Variants in TRPM3 observed in about 807,000 individuals in gnomAD.
TRPM3 encodes the protein transient receptor potential cation channel subfamily M member 3, also known as long transient receptor potential channel 3.
TRPM3 carries 77 observed loss-of-function variants against 181.2 expected under a neutral mutation model. The ratio of observed to expected loss-of-function variants is 0.42; its 90% CI spans 0.35 to 0.51. TRPM3 has a LOEUF of 0.51. Among genes scored for constraint, TRPM3 ranks in the 20% least tolerant of loss-of-function variants. TRPM3 has a pLI of 0.01. For missense variants in TRPM3, 1,759 were observed against 2,196.7 expected (o/e 0.80, Z 3.98); for synonymous variants, 745 against 796.4 (o/e 0.94, Z 1.09).
At chr9:70,832,631 G>T (rs2094015848) in intron 5 of TRPM3, among the ~76,000 whole-genome samples, 1 of 152,178 alleles carries the variant, frequency 6.6e-6, no homozygotes, top group African/African-American at 2.4e-5. Flanking sequence ...CCCAGGAAGG[G>T]ACTGATTCAG....
At chr9:70,754,818 C>G (rs1193150777) in intron 8 of TRPM3, among the ~76,000 whole-genome samples, 1 of 152,148 alleles carries the variant, frequency 6.6e-6, no homozygotes, top group Non-Finnish European at 1.5e-5. Context: ...TGCAATGCCT[C>G]CTTGTTTTGT....
intron 1 of TRPM3, among the ~76,000 whole-genome samples, chr9:70,883,105 T>C (rs1038163322): frequency 9.2e-5 from 14 of 152,260 alleles, no homozygotes; most frequent in Admixed American, 6.5e-4. Flanking sequence ...CTCAAACCAA[T>C]GTACTTCCTA....
At chr9:71,262,133 C>A (rs932836829) in intron 1 of TRPM3, among the ~76,000 whole-genome samples, 1 of 152,166 alleles carries the variant, frequency 6.6e-6, no homozygotes, top group Admixed American at 6.6e-5. Flanking sequence ...TGCTCTGTCC[C>A]AGGGAGATGA....
chr9:70,773,481 G>A (rs995595561), intron 7 of TRPM3, among the ~76,000 whole-genome samples: 13 of 152,174 alleles, frequency 8.5e-5, no homozygotes, highest in African/African-American at 2.7e-4. Flanking sequence ...AGGGTCAGAG[G>A]TGTGGGAAAA....
At chr9:71,178,839 C>G (rs2077245294) in intron 1 of TRPM3, among the ~76,000 whole-genome samples, 2 of 152,092 alleles carry the variant, frequency 1.3e-5, no homozygotes, top group Non-Finnish European at 2.9e-5. Flanking sequence ...ATGCCTGCCT[C>G]CACTCAGACA....
At chr9:71,320,416 C>A (rs573873571) in intron 1 of TRPM3, among the ~76,000 whole-genome samples, 1 of 151,844 alleles carries the variant, frequency 6.6e-6, no homozygotes, top group South Asian at 2.1e-4. Flanking sequence ...AGGACTAGAC[C>A]AACATAGGTT....
intron 1 of TRPM3, among the ~76,000 whole-genome samples, chr9:71,045,655 G>A (rs1379042134): frequency 6.6e-6 from 1 of 152,114 alleles, no homozygotes; most frequent in African/African-American, 2.4e-5. Flanking sequence ...TTTTTGACTG[G>A]GAGAAAGAAA....
intron 1 of TRPM3, among the ~76,000 whole-genome samples, chr9:71,144,441 T>G (rs528063934): frequency 6.6e-6 from 1 of 152,328 alleles, no homozygotes; most frequent in South Asian, 2.1e-4. Context: ...AGTCAAGTCT[T>G]TCTTTGCTTC....
chr9:70,900,616 T>C (rs1248416184), intron 1 of TRPM3, among the ~76,000 whole-genome samples: 1 of 152,238 alleles, frequency 6.6e-6, no homozygotes, highest in East Asian at 1.9e-4. Context: ...CTAGTTTTTT[T>C]CCCAATATAA....
intron 1 of TRPM3, among the ~76,000 whole-genome samples, chr9:70,934,988 A>G (rs553116617): frequency 5.6e-4 from 85 of 152,332 alleles, no homozygotes; most frequent in African/African-American, 2.0e-3. Context: ...GCAAGTTCTT[A>G]GAGAATAAAA....
At chr9:70,934,872 C>G (rs953206412) in intron 1 of TRPM3, among the ~76,000 whole-genome samples, 36 of 151,408 alleles carry the variant, frequency 2.4e-4, no homozygotes, top group African/African-American at 8.5e-4. Flanking sequence ...CTCCTCCCCC[C>G]AAAAAAAATA....
chr9:70,638,850 G>T (rs1399325663), intron 11 of TRPM3, among the ~76,000 whole-genome samples: 1 of 152,076 alleles, frequency 6.6e-6, no homozygotes, highest in East Asian at 1.9e-4. Context: ...ATAACTTTTT[G>T]CCTTACATGC....
At chr9:70,926,133 T>TA (rs1279519874) in intron 1 of TRPM3, among the ~76,000 whole-genome samples, 1 of 152,082 alleles carries the variant, frequency 6.6e-6, no homozygotes, top group East Asian at 1.9e-4. Flanking sequence ...GGCTGCTGGT[T>TA]AAGAGACTGA....
At chr9:70,972,446 G>C (rs1002617064) in intron 1 of TRPM3, among the ~76,000 whole-genome samples, 2 of 152,154 alleles carry the variant, frequency 1.3e-5, no homozygotes, top group Non-Finnish European at 2.9e-5. Flanking sequence ...ATAGAAAGTA[G>C]ATTAGTGTTT....
At chr9:71,363,980 C>T (rs568884666) in intron 1 of TRPM3, among the ~76,000 whole-genome samples, 9 of 152,190 alleles carry the variant, frequency 5.9e-5, no homozygotes, top group African/African-American at 7.2e-5. Context: ...TTAAATGATG[C>T]GCTAAACTTG....
chr9:70,864,913 G>A (rs1482074375), intron 1 of TRPM3, among the ~76,000 whole-genome samples: 1 of 151,744 alleles, frequency 6.6e-6, no homozygotes, highest in African/African-American at 2.4e-5. Flanking sequence ...TAAGCATAAG[G>A]TTTTCACAGC....
intron 1 of TRPM3, among the ~76,000 whole-genome samples, chr9:71,408,044 G>A (rs533103932): frequency 6.6e-6 from 1 of 152,216 alleles, no homozygotes; most frequent in South Asian, 2.1e-4. Context: ...AAACAGAAAG[G>A]AATAGCATCA....
intron 1 of TRPM3, among the ~76,000 whole-genome samples, chr9:70,951,572 C>A (rs2097000107): frequency 6.6e-6 from 1 of 152,138 alleles, no homozygotes; most frequent in Non-Finnish European, 1.5e-5. Flanking sequence ...GAACTCCTTA[C>A]CTCAGGTGAT....
At chr9:70,750,872 G>A (rs1363634792) in intron 8 of TRPM3, among the ~76,000 whole-genome samples, 1 of 152,054 alleles carries the variant, frequency 6.6e-6, no homozygotes, top group African/African-American at 2.4e-5. Flanking sequence ...CAAGCTGTAA[G>A]TATGGTTGGA....
Sources: allele counts gnomAD v4.1 joint callset (sites outside exome capture counted in the v4.1 genomes callset), GRCh38; gene constraint gnomAD v4.1.1; transcripts MANE v1.5; gene names NCBI Gene and HGNC (gene_info 2026-07-23, HGNC 2026-07-21).